VGLL4: variants seen among roughly 807,000 people sequenced by gnomAD.
The protein encoded by VGLL4 is vestigial like family member 4, also known as transcription cofactor vestigial-like protein 4.
A neutral mutation model predicts 21.0 loss-of-function variants in VGLL4; 7 were observed. That is an observed-to-expected ratio of 0.33 (90% CI 0.19 to 0.63). The LOEUF (loss-of-function observed/expected upper bound fraction) is 0.63, where lower values mean the gene tolerates loss of function less well. Among genes scored for constraint, VGLL4 ranks in the 20% least tolerant of loss-of-function variants. The pLI, the probability that VGLL4 is intolerant of heterozygous loss-of-function variation, is 0.78. For missense variants in VGLL4, 394 were observed against 425.7 expected (o/e 0.93, Z 0.66); for synonymous variants, 222 against 173.2 (o/e 1.28, Z -2.21).
intron 2 of VGLL4, among the ~76,000 whole-genome samples, chr3:11,594,514 TAC>T (rs1181322150): frequency 6.6e-6 from 1 of 152,138 alleles, no homozygotes; most frequent in Non-Finnish European, 1.5e-5. Flanking sequence ...ACTCTAAGTC[TAC>T]ACACACACAG....
chr3:11,629,513 T>G (rs1401923476), intron 1 of VGLL4, among the ~76,000 whole-genome samples: 1 of 151,856 alleles, frequency 6.6e-6, no homozygotes, highest in African/African-American at 2.4e-5. Context: ...TCCCAGCACT[T>G]TGGGAGGCAG....
intron 1 of VGLL4, chr3:11,604,506 C>G: frequency 1.1e-6 from 1 of 950,306 alleles, no homozygotes; most frequent in Middle Eastern, 5.5e-4. Flanking sequence ...TGGGGCCCCT[C>G]CCTAGATGGC....
intron 1 of VGLL4, among the ~76,000 whole-genome samples, chr3:11,707,035 G>T (rs1263555905): frequency 6.6e-6 from 1 of 152,020 alleles, no homozygotes; most frequent in East Asian, 1.9e-4. Flanking sequence ...AGTTCCATGC[G>T]TCTAGGCATG....
At position 11,672,872 on chromosome 3, in the gene VGLL4, TA is replaced by T. The variant is rs1221156296; in HGVS notation, c.64+30098del. ...AAACACGTACCTAAGAAGCTACTAA[TA>T]AAAAATTCTATAAAAGGAAAACGAG... On this transcript the variant is annotated intron_variant, in intron 2 of 5. Coordinates refer to the VGLL4 transcript ENST00000273038. Among the ~76,000 whole-genome samples, 7 of 152,222 alleles carry T rather than the reference TA, an allele frequency of 4.6e-5. No homozygotes were observed. The South Asian group carries it at 6.2e-4, about 14-fold the overall frequency.
chr3:11,704,323 C>G lies in VGLL4; in HGVS notation c.-13-1276G>C, dbSNP rs1205993335. 3.8e-5 allele frequency among the ~76,000 whole-genome samples: 5 copies of G among 130,476 alleles called. No homozygotes were observed. In the Admixed American group the frequency reaches 4.7e-4, roughly 12 times the overall value. The allele number at this position is 130,476 out of a possible 152,430, so 85.6% of individuals were successfully genotyped here. A position where few individuals can be genotyped will look rare whatever the true frequency, so the allele number is the denominator to read the frequency against. ...GCTTGTACCCGGGAGGCAGAGGTTG[C>G]GGTGAGCCGAGATCGAGCCATTGCA... On this transcript the variant is annotated intron_variant, in intron 1 of 5. Transcript: ENST00000273038.
At chr3:11,670,666 TC>T (rs1233084527) in intron 2 of VGLL4, among the ~76,000 whole-genome samples, 2 of 152,196 alleles carry the variant, frequency 1.3e-5, no homozygotes, top group African/African-American at 4.8e-5. Context: ...TATACTGACT[TC>T]CCATACTGTC....
At chr3:11,585,012 C>A (rs74491047) in intron 2 of VGLL4, among the ~76,000 whole-genome samples, 1,927 of 152,246 alleles carry the variant, frequency 0.013, 35 homozygotes, top group African/African-American at 0.044. Context: ...CCTCCAATCA[C>A]TGCTCCATTA....
intron 2 of VGLL4, among the ~76,000 whole-genome samples, chr3:11,574,208 C>T (rs778121430): frequency 2.6e-5 from 4 of 152,188 alleles, no homozygotes; most frequent in Non-Finnish European, 4.4e-5. Context: ...TTCCCTAGGC[C>T]GTACCCACCC....
At chr3:11,656,740 T>G (rs3846114) in intron 2 of VGLL4, among the ~76,000 whole-genome samples, 21,616 of 152,114 alleles carry the variant, frequency 0.14, 1,733 homozygotes, top group African/African-American at 0.21. Flanking sequence ...CTCCATACCA[T>G]GTGAGAACCA....
chr3:11,651,075 C>T (rs2443721), intron 2 of VGLL4, among the ~76,000 whole-genome samples: 3 of 151,976 alleles, frequency 2.0e-5, no homozygotes, highest in Non-Finnish European at 4.4e-5. Context: ...GGACCAGGCG[C>T]GGTGGCTCAC....
At chr3:11,694,032 C>A (rs1014415250) in intron 2 of VGLL4, among the ~76,000 whole-genome samples, 4 of 152,124 alleles carry the variant, frequency 2.6e-5, no homozygotes, top group African/African-American at 7.2e-5. Context: ...CTAAGTGTAC[C>A]TGGGCAAACT....
chr3:11,645,318 C>T (rs1197557885), upstream of VGLL4, among the ~76,000 whole-genome samples: 2 of 151,700 alleles, frequency 1.3e-5, no homozygotes, highest in Non-Finnish European at 2.9e-5. Flanking sequence ...AGGCCAGGCG[C>T]GGTGGCTCAC....
chr3:11,681,160 C>A (rs932941646), intron 2 of VGLL4, among the ~76,000 whole-genome samples: 1 of 152,178 alleles, frequency 6.6e-6, no homozygotes, highest in African/African-American at 2.4e-5. Context: ...TGCAGTGGCG[C>A]GATCTCCGCT....
chr3:11,701,091 T>G (rs538614531), intron 2 of VGLL4, among the ~76,000 whole-genome samples: 1 of 152,168 alleles, frequency 6.6e-6, no homozygotes, highest in African/African-American at 2.4e-5. Context: ...GGTTTGGATA[T>G]TTGTCTCCTC....
At chr3:11,614,119 G>GGAC (rs1305086768) in intron 1 of VGLL4, among the ~76,000 whole-genome samples, 2 of 152,214 alleles carry the variant, frequency 1.3e-5, no homozygotes, top group Non-Finnish European at 1.5e-5. Context: ...CACACACTCT[G>GGAC]GACTTACAGG....
rs2075061426 is a variant in VGLL4, at chr3:11,611,436, C to G, written c.83-9414G>C. Among the ~76,000 whole-genome samples, 6 of 152,184 alleles carry G rather than the reference C, an allele frequency of 3.9e-5. No homozygotes were observed. In the South Asian group the frequency reaches 1.2e-3, roughly 31 times the overall value. The stretch of plus-strand genomic sequence containing the variant: ...TGCCGGAGAAATAAGCCCGCTGAGT[C>G]TTTGATCTCAGACTTCCAGCCTCCA... On this transcript the variant is annotated intron_variant, in intron 1 of 4. Transcript: ENST00000430365.
intron 2 of VGLL4, among the ~76,000 whole-genome samples, chr3:11,593,892 G>A (rs1451421212): frequency 6.6e-6 from 1 of 152,232 alleles, no homozygotes; most frequent in Non-Finnish European, 1.5e-5. Flanking sequence ...CAGTGGGTCT[G>A]TGGCAAACAC....
chr3:11,578,750 T>TTTC (rs1553724397), intron 2 of VGLL4, among the ~76,000 whole-genome samples: 2 of 130,620 alleles, frequency 1.5e-5, no homozygotes, highest in African/African-American at 5.8e-5. Flanking sequence ...TATATTTTCT[T>TTTC]TTTTTTTTTT....
chr3:11,600,507 G>A (rs973585891), intron 2 of VGLL4, among the ~76,000 whole-genome samples: 1 of 152,224 alleles, frequency 6.6e-6, no homozygotes, highest in Admixed American at 6.5e-5. Flanking sequence ...CCTGCGGAGT[G>A]CACTGTTTGC....
Sources: gnomAD v4.1 joint callset for allele counts (sites outside exome capture counted in the v4.1 genomes callset) on GRCh38, gnomAD v4.1.1 for gene constraint, MANE v1.5 for transcripts, NCBI Gene and HGNC (gene_info 2026-07-23, HGNC 2026-07-21) for gene names.